The following APC2 variants were observed in gnomAD, a reference collection of about 807,000 sequenced individuals.
APC2 encodes adenomatous polyposis coli protein 2.
In APC2, 41 loss-of-function variants were observed where a neutral mutation model predicts 72.5. That is an observed-to-expected ratio of 0.57 (90% CI 0.44 to 0.73). The LOEUF (loss-of-function observed/expected upper bound fraction) is 0.73, where lower values mean the gene tolerates loss of function less well. Ranked by LOEUF, APC2 falls within the 30% of genes least tolerant of loss-of-function variation. APC2 has a pLI of 0.00. For missense variants in APC2, 3,729 were observed against 3,403.4 expected (o/e 1.10, Z -2.38); for synonymous variants, 1,898 against 1,612.0 (o/e 1.18, Z -4.25).
chr19:1,457,895 C>CGGGGGAGGGG, intron 9 of APC2, 70 bp from the exon 10 acceptor site: 8 of 1,233,428 alleles, frequency 6.5e-6, no homozygotes, highest in Non-Finnish European at 7.6e-6. Flanking sequence ...GGGCGGGTTG[C>CGGGGGAGGGG]GGGACCTTCG....
At chr19:1,458,179 G>C in intron 10 of APC2, 119 bp downstream of exon 10, 1 of 886,802 alleles carries the variant, frequency 1.1e-6, no homozygotes, top group Non-Finnish European at 1.8e-6. Context: ...TTGGAGCCCG[G>C]AGAGGGACAG....
At position 1,467,217 on chromosome 19, in the gene APC2, G is replaced by C; in HGVS notation, c.3916G>C (p.Gly1306Arg). The change falls in exon 15 of 15, where the codon GGG becomes CGG. Residue 1306 changes from glycine (G) to arginine (R), a missense_variant. Physicochemically the swap from Gly to Arg is moderately radical, Grantham distance 125 (BLOSUM62 -2). Coordinates refer to ENST00000590469, the MANE Select transcript of APC2 (RefSeq NM_005883.3). ...GCCCTCGGCCTGCCCCGAGCGCGGCGGGGGCGCCGGGGGCGCCGGCCTCCA... is the reference window on the plus strand; with the variant it reads ...GCCCTCGGCCTGCCCCGAGCGCGGCCGGGGCGCCGGGGGCGCCGGCCTCCA... ...LLPSACPERG[G>R]GAGGAGLHFA... The C allele has an allele frequency of 2.2e-6, 3 of 1,371,320 alleles. No homozygotes were observed. In the East Asian group the frequency reaches 8.3e-5, roughly 38 times the overall value. The allele number at this position is 1,371,320 out of a possible 1,614,324, so 84.9% of individuals were successfully genotyped here. A position where few individuals can be genotyped will look rare whatever the true frequency, so the allele number is the denominator to read the frequency against.
chr19:1,460,329 G>A lies in APC2; in HGVS notation c.1443+9G>A, dbSNP rs755539898. The A allele has an allele frequency of 1.9e-6, 3 of 1,613,248 alleles. No individual in the cohort carries two copies. In the South Asian group the frequency reaches 3.3e-5, roughly 18 times the overall value. On this transcript the variant is annotated intron_variant, in intron 11 of 14. Coordinates refer to ENST00000590469, the MANE Select transcript of APC2 (RefSeq NM_005883.3). Reference sequence around the variant, plus strand: ...GGGACGTTGCCAACAAGGTGCCCGGGGGCAGTGGGTGGGCTGGCACTTTCC... The same window carrying A: ...GGGACGTTGCCAACAAGGTGCCCGGAGGCAGTGGGTGGGCTGGCACTTTCC...
chr19:1,461,430 G>C (rs879853745), intron 13 of APC2: 1 of 503,530 alleles, frequency 2.0e-6, no homozygotes, highest in South Asian at 2.3e-5. Context: ...ACAGCCAGGC[G>C]TGGCAGCGGG....
chr19:1,455,995 T>C (rs115792234), intron 6 of APC2, 81 bp from the exon 7 acceptor site: 43 of 1,179,990 alleles, frequency 3.6e-5, no homozygotes, highest in Middle Eastern at 2.4e-4. Flanking sequence ...GAGCCCAGGG[T>C]GGGGTCATCC....
At position 1,468,099 on chromosome 19, in the gene APC2, C is replaced by A. The variant is rs762742037; in HGVS notation, c.4798C>A (p.Arg1600=). 136 of 1,532,878 alleles carry A rather than the reference C, an allele frequency of 8.9e-5. No individual in the cohort carries two copies. Among genetic ancestry groups the A allele is most frequent in the Non-Finnish European group, 1.1e-4 (128 of 1,148,480 alleles). 95.0% of individuals were successfully genotyped at this position (1,532,878 alleles called of 1,614,324 possible). The change falls in exon 15 of 15, where the codon CGA becomes AGA. Residue 1600 remains arginine (R), a synonymous_variant. Transcript: ENST00000590469. ...CTCGGAGCCGCCGGCCGTCCATCCA[C>A]GAGGCCGGGAGCCCGCGGTCACCAA... The part of the protein sequence containing the change: ...EPSEPPAVHP[R]GREPAVTKDP...
rs765956663 is a variant in APC2, at chr19:1,468,634, A to G, written c.5333A>G (p.Gln1778Arg). ...PAGPEKPRGT[Q>R]KTTPGVPAVL... ...GGCCCCGAGAAGCCACGTGGCACAC[A>G]GAAGACCACGCCCGGGGTGCCAGCT... Residue 1778 changes from glutamine (Q) to arginine (R), a missense_variant, in exon 15 of 15, where the codon CAG becomes CGG. By Grantham distance (43) the Gln-to-Arg change is conservative. Coordinates refer to ENST00000590469, the MANE Select transcript of APC2 (RefSeq NM_005883.3). 9 of 1,600,044 alleles carry G rather than the reference A, an allele frequency of 5.6e-6. No individual in the cohort carries two copies. The East Asian group carries it at 1.8e-4, about 32-fold the overall frequency.
Position 1,467,223 on chromosome 19 carries a change from G to A in APC2, c.3922G>A (p.Ala1308Thr), listed in dbSNP as rs776520448. 67 of 1,368,408 alleles carry A rather than the reference G, an allele frequency of 4.9e-5. No homozygotes were observed. Among genetic ancestry groups the A allele is most frequent in the Non-Finnish European group, 5.3e-5 (57 of 1,065,426 alleles). The allele number at this position is 1,368,408 out of a possible 1,614,324, so 84.8% of individuals were successfully genotyped here. The change falls in exon 15 of 15, where the codon GCC becomes ACC. Residue 1308 changes from alanine (A) to threonine (T), a missense_variant. Ala to Thr is a moderately conservative substitution (Grantham distance 58). Transcript: ENST00000590469. ...GGCCTGCCCCGAGCGCGGCGGGGGC[G>A]CCGGGGGCGCCGGCCTCCACTTTGC... Reference protein sequence around the residue: ...PSACPERGGGAGGAGLHFAGH... With the variant: ...PSACPERGGGTGGAGLHFAGH...
At chr19:1,462,745 C>T (rs990212896) in intron 14 of APC2, among the ~76,000 whole-genome samples, 24 of 149,094 alleles carry the variant, frequency 1.6e-4, no homozygotes, top group African/African-American at 5.3e-4. Context: ...CCGAGGCGGG[C>T]GGATCACGAG....
At chr19:1,462,851 G>A (rs2083949556) in intron 14 of APC2, among the ~76,000 whole-genome samples, 1 of 147,868 alleles carries the variant, frequency 6.8e-6, no homozygotes, top group South Asian at 2.2e-4. Flanking sequence ...GGTGCCTGTA[G>A]TCCCAGCTAC....
In APC2 at chr19:1,456,116, T is replaced by G; in HGVS notation, c.680T>G (p.Leu227Arg). The G allele has an allele frequency of 5.7e-6, 9 of 1,592,354 alleles. No individual in the cohort carries two copies. Among genetic ancestry groups the G allele is most frequent in the Non-Finnish European group, 6.8e-6 (8 of 1,171,842 alleles). The change falls in exon 7 of 15, where the codon CTG (leucine) becomes CGG (arginine). Residue 227 changes from leucine to arginine, a missense_variant. Transcript: ENST00000590469. ...CTGGAGCAGATTGACAAGGAGCTGC[T>G]GGAGGCGCAGGACCGAGTGCAGCAG... The part of the protein sequence containing the change: ...SRLEQIDKEL[L>R]EAQDRVQQTE...
chr19:1,455,542 T>C, intron 6 of APC2, 42 bp downstream of exon 6: 1 of 1,541,904 alleles, frequency 6.5e-7, no homozygotes, highest in Non-Finnish European at 8.9e-7. Context: ...GGCGGGGCCC[T>C]GCGCCAGTGG....
In APC2 at chr19:1,466,173, A is replaced by C. The variant is rs2084009943; in HGVS notation, c.2872A>C (p.Arg958=). 1 of 1,564,396 alleles carries C rather than the reference A, an allele frequency of 6.4e-7. No individual in the cohort carries two copies. The highest frequency in any genetic ancestry group is 8.6e-7 in the Non-Finnish European group (1 of 1,165,742). The change falls in exon 15 of 15, where the codon AGG becomes CGG. Residue 958 remains arginine (R), a synonymous_variant. Transcript: ENST00000590469. ...ACTGGCTTCGCGCCGCGAGGACCCCAGGTGTGGGCAGCCTCGGCCCAGCCG... is the reference window on the plus strand; with the variant it reads ...ACTGGCTTCGCGCCGCGAGGACCCCCGGTGTGGGCAGCCTCGGCCCAGCCG... ...AALASRREDP[R]CGQPRPSRLD... is the part of the protein sequence containing the mutation.
chr19:1,470,354 C>A lies in APC2; in HGVS notation c.*141C>A, dbSNP rs1471304619. ...CGAGCCCCACCACTCTCAGAACCCCCGCCCAGCGCACGGCGACCTCGCGCC... is the reference window on the plus strand; with the variant it reads ...CGAGCCCCACCACTCTCAGAACCCCAGCCCAGCGCACGGCGACCTCGCGCC... On this transcript the variant is annotated 3_prime_UTR_variant, in exon 15 of 15. Coordinates refer to ENST00000590469, the MANE Select transcript of APC2 (RefSeq NM_005883.3). The A allele has an allele frequency of 6.6e-6, 8 of 1,216,408 alleles. No homozygotes were observed. The highest frequency in any genetic ancestry group is 3.2e-5 in the Admixed American group (1 of 30,942). The allele number at this position is 1,216,408 out of a possible 1,614,324, so 75.4% of individuals were successfully genotyped here.
chr19:1,453,783 C>T (rs1385062242), intron 4 of APC2, among the ~76,000 whole-genome samples, 172 bp downstream of exon 4: 1 of 152,238 alleles, frequency 6.6e-6, no homozygotes, highest in Non-Finnish European at 1.5e-5. Context: ...GGAGCTTCGT[C>T]CCCACGTGGC....
chr19:1,463,382 C>T (rs1568175905), intron 14 of APC2, among the ~76,000 whole-genome samples: 1 of 146,348 alleles, frequency 6.8e-6, no homozygotes, highest in Non-Finnish European at 1.5e-5. Context: ...CACACCACTG[C>T]ATTCCAGCCT....
Position 1,455,480 on chromosome 19 carries a change from G to T in APC2, c.619G>T (p.Glu207Ter), listed in dbSNP as rs750200449. The change falls in exon 6 of 15, where the codon GAG becomes TAG. Residue 207 changes from glutamate to a stop codon, truncating the protein, a stop_gained. Coordinates refer to ENST00000590469, the MANE Select transcript of APC2 (RefSeq NM_005883.3). LOFTEE classifies it high-confidence loss of function. ...GGAGGAGCGCTTCGGCACCTCGGACGAGATGGTGCAGCGGGCACAGGTGCG... is the reference window on the plus strand; with the variant it reads ...GGAGGAGCGCTTCGGCACCTCGGACTAGATGGTGCAGCGGGCACAGGTGCG... ...LMEERFGTSD[E>*]MVQRAQIRAS... is the part of the protein sequence containing the mutation. The T allele has an allele frequency of 6.2e-7, 1 of 1,603,148 alleles. No individual in the cohort carries two copies. The highest frequency in any genetic ancestry group is 8.5e-7 in the Non-Finnish European group (1 of 1,175,352).
chr19:1,447,383 C>T (rs1462958387), upstream of APC2, among the ~76,000 whole-genome samples: 3 of 152,162 alleles, frequency 2.0e-5, no homozygotes, highest in Non-Finnish European at 4.4e-5. Context: ...AGGCTGCGGA[C>T]TTGCGGGGAG....
Position 1,460,032 on chromosome 19 carries a change from TGGA to T in APC2, c.1304-143_1304-141del, listed in dbSNP as rs144995725. 636 of 1,097,276 alleles carry T rather than the reference TGGA, an allele frequency of 5.8e-4. 2 individuals are homozygous for T. In the African/African-American group the frequency reaches 8.0e-3, roughly 14 times the overall value. 68.0% of individuals were successfully genotyped at this position (1,097,276 alleles called of 1,614,324 possible). A position where few individuals can be genotyped will look rare whatever the true frequency, so the allele number is the denominator to read the frequency against. ...AGCAGGGTGAGGCCATACCGGCTCC[TGGA>T]GGAGGTCTCAGACTTGGGCCTGGAA... On this transcript the variant is annotated intron_variant, in intron 10 of 14. Coordinates refer to ENST00000590469, the MANE Select transcript of APC2 (RefSeq NM_005883.3).
Sources: allele counts gnomAD v4.1 joint callset (sites outside exome capture counted in the v4.1 genomes callset), GRCh38; gene constraint gnomAD v4.1.1; transcripts MANE v1.5; gene names NCBI Gene and HGNC (gene_info 2026-07-23, HGNC 2026-07-21).